HIPK2: variants seen among roughly 807,000 people sequenced by gnomAD.
The protein encoded by HIPK2 is homeodomain interacting protein kinase 2.
HIPK2 carries 27 observed loss-of-function variants against 113.7 expected under a neutral mutation model. The ratio of observed to expected loss-of-function variants is 0.24; its 90% CI spans 0.17 to 0.33. The LOEUF (loss-of-function observed/expected upper bound fraction) is 0.33. HIPK2 is among the 10% of genes least tolerant of loss of function. The pLI, the probability that HIPK2 is intolerant of heterozygous loss-of-function variation, is 1.00. For missense variants in HIPK2, 1,257 were observed against 1,588.0 expected (o/e 0.79, Z 3.54); for synonymous variants, 631 against 642.2 (o/e 0.98, Z 0.26).
chr7:139,660,121 G>C (rs1285265925), intron 2 of HIPK2, among the ~76,000 whole-genome samples: 2 of 152,226 alleles, frequency 1.3e-5, no homozygotes, highest in Non-Finnish European at 2.9e-5. Context: ...CCCATAGTTT[G>C]AGAAGCTCAT....
intron 2 of HIPK2, among the ~76,000 whole-genome samples, chr7:139,681,307 G>A (rs1006131637): frequency 6.6e-6 from 1 of 152,142 alleles, no homozygotes; most frequent in Non-Finnish European, 1.5e-5. Flanking sequence ...GTCAGAGCTG[G>A]TGGCAGGAGA....
rs1401341457 is a variant in HIPK2 at position 139,571,542 on chromosome 7, C to T, written c.*1385G>A. The T allele has an allele frequency of 1.3e-5, 2 of 152,242 alleles. No homozygotes were observed. The highest frequency in any genetic ancestry group is 4.8e-5 in the African/African-American group (2 of 41,458). 9.4% of individuals were successfully genotyped at this position (152,242 alleles called of 1,614,324 possible). Reference sequence around the variant, plus strand: ...AGACGCACCCGCCGGGCATCTGTCTCCCATATTTCTTTCGAGATCCACGGA... The same window carrying T: ...AGACGCACCCGCCGGGCATCTGTCTTCCATATTTCTTTCGAGATCCACGGA... On this transcript the variant is annotated 3_prime_UTR_variant, in exon 15 of 15. Coordinates refer to ENST00000406875, the MANE Select transcript of HIPK2 (RefSeq NM_022740.5).
chr7:139,765,428 C>T (rs1796537335), intron 1 of HIPK2, among the ~76,000 whole-genome samples: 1 of 152,152 alleles, frequency 6.6e-6, no homozygotes, highest in Non-Finnish European at 1.5e-5. Context: ...AATAAATATC[C>T]ACTTCCATTT....
intron 2 of HIPK2, among the ~76,000 whole-genome samples, chr7:139,686,658 A>C (rs574188127): frequency 2.6e-5 from 4 of 152,184 alleles, no homozygotes; most frequent in Middle Eastern, 3.2e-3. Context: ...CATGATTGTA[A>C]GTTTTCTAAG....
intron 7 of HIPK2, among the ~76,000 whole-genome samples, chr7:139,616,614 A>G (rs973472639): frequency 6.6e-6 from 1 of 152,236 alleles, no homozygotes; most frequent in Non-Finnish European, 1.5e-5. Flanking sequence ...TGGGTCCCAC[A>G]TGCCCCATTG....
In HIPK2 at chr7:139,572,894, T is replaced by TGCCGGC; in HGVS notation, c.*32_*33insGCCGGC. ...CTCCCTCCTCCCTCGGGCCATTCTC[T>TGCCGGC]CCCTCCCTCCCTCCCTCCCTCCCCT... On this transcript the variant is annotated 3_prime_UTR_variant, in exon 15 of 15. Coordinates refer to ENST00000406875, the MANE Select transcript of HIPK2 (RefSeq NM_022740.5). 1 of 554,278 alleles carries TGCCGGC rather than the reference T, an allele frequency of 1.8e-6. No individual in the cohort carries two copies. Among genetic ancestry groups the TGCCGGC allele is most frequent in the Non-Finnish European group, 3.3e-6 (1 of 302,510 alleles). 34.3% of individuals were successfully genotyped at this position (554,278 alleles called of 1,614,324 possible). A position where few individuals can be genotyped will look rare whatever the true frequency, so the allele number is the denominator to read the frequency against.
At chr7:139,730,066 C>T (rs1019777983) in intron 1 of HIPK2, among the ~76,000 whole-genome samples, 3 of 152,190 alleles carry the variant, frequency 2.0e-5, no homozygotes, top group African/African-American at 7.2e-5. Context: ...CTTTTCCTAT[C>T]CTTTAGAAAT....
chr7:139,758,945 T>C (rs1203584735), intron 1 of HIPK2, among the ~76,000 whole-genome samples: 1 of 151,338 alleles, frequency 6.6e-6, no homozygotes, highest in Non-Finnish European at 1.5e-5. Context: ...ACAGAAGCCA[T>C]AAAAAAAATA....
intron 11 of HIPK2, among the ~76,000 whole-genome samples, chr7:139,598,195 A>G (rs1163508948): frequency 6.6e-6 from 1 of 152,250 alleles, no homozygotes; most frequent in African/African-American, 2.4e-5. Flanking sequence ...CTCAACCTGT[A>G]GTATCTATGC....
rs1055059876 is a variant in HIPK2, at chr7:139,562,131, TAAA to T, written c.*10793_*10795del. ...AAAAACAAAAGTAGACATTTATAAA[TAAA>T]AAAGAGGGACAATTCACATAGGAAA... On this transcript the variant is annotated 3_prime_UTR_variant, in exon 15 of 15. Coordinates refer to ENST00000406875, the MANE Select transcript of HIPK2 (RefSeq NM_022740.5). 3 of 152,130 alleles carry T rather than the reference TAAA, an allele frequency of 2.0e-5. No homozygotes were observed. Among genetic ancestry groups the T allele is most frequent in the Non-Finnish European group, 4.4e-5 (3 of 68,016 alleles). 9.4% of individuals were successfully genotyped at this position (152,130 alleles called of 1,614,324 possible). A position where few individuals can be genotyped will look rare whatever the true frequency, so the allele number is the denominator to read the frequency against.
At chr7:139,747,982 T>C (rs1427142093) in intron 1 of HIPK2, among the ~76,000 whole-genome samples, 2 of 152,190 alleles carry the variant, frequency 1.3e-5, no homozygotes, top group Non-Finnish European at 2.9e-5. Context: ...GAAAGCTCTA[T>C]CAGGCAGAGC....
Position 139,572,689 on chromosome 7 carries a change from T to C in HIPK2, c.*238A>G. The C allele has an allele frequency of 2.4e-6, 1 of 414,852 alleles. No individual in the cohort carries two copies. Among genetic ancestry groups the C allele is most frequent in the Non-Finnish European group, 4.2e-6 (1 of 235,490 alleles). 25.7% of individuals were successfully genotyped at this position (414,852 alleles called of 1,614,324 possible). On this transcript the variant is annotated 3_prime_UTR_variant, in exon 15 of 15. Transcript: ENST00000406875. ...TTTAATCCCTTCCTTTTAAAAATGT[T>C]CTCTTCTCTGCTCTACGTCCTCCCA...
intron 1 of HIPK2, among the ~76,000 whole-genome samples, chr7:139,741,632 A>G (rs1290106437): frequency 6.6e-6 from 1 of 151,690 alleles, no homozygotes; most frequent in Admixed American, 6.6e-5. Context: ...TAATCTCCAC[A>G]CTCTAGCCTG....
At chr7:139,656,280 C>G (rs1443639756) in intron 2 of HIPK2, among the ~76,000 whole-genome samples, 1 of 152,176 alleles carries the variant, frequency 6.6e-6, no homozygotes, top group Non-Finnish European at 1.5e-5. Flanking sequence ...GTGAAGTCAT[C>G]ATGTCCCTCC....
At chr7:139,643,247 C>T (rs534688199) in intron 2 of HIPK2, among the ~76,000 whole-genome samples, 1 of 152,166 alleles carries the variant, frequency 6.6e-6, no homozygotes, top group Non-Finnish European at 1.5e-5. Flanking sequence ...TCTCATGGCA[C>T]ACTTGGACAG....
intron 9 of HIPK2, among the ~76,000 whole-genome samples, chr7:139,606,048 A>AT (rs1235188173): frequency 2.0e-5 from 3 of 152,168 alleles, no homozygotes; most frequent in Non-Finnish European, 4.4e-5. Flanking sequence ...TTTTTCTTCT[A>AT]TTTCCCTGAA....
chr7:139,668,051 AG>A (rs1398341505), intron 2 of HIPK2, among the ~76,000 whole-genome samples: 1 of 150,580 alleles, frequency 6.6e-6, no homozygotes, highest in Non-Finnish European at 1.5e-5. Flanking sequence ...GCTTGAACCC[AG>A]GAGGTGGAGG....
At chr7:139,601,589 G>A (rs1307266765) in intron 10 of HIPK2, among the ~76,000 whole-genome samples, 4 of 152,138 alleles carry the variant, frequency 2.6e-5, no homozygotes, top group African/African-American at 9.7e-5. Flanking sequence ...TATAAAGTTG[G>A]TATTAAATCA....
intron 1 of HIPK2, among the ~76,000 whole-genome samples, chr7:139,744,217 G>A (rs117454535): frequency 1.4e-3 from 211 of 152,266 alleles, no homozygotes; most frequent in Non-Finnish European, 2.5e-3. Flanking sequence ...TATTCCTACC[G>A]TGAAACACTA....
Sources: allele counts gnomAD v4.1 joint callset (sites outside exome capture counted in the v4.1 genomes callset), GRCh38; gene constraint gnomAD v4.1.1; transcripts MANE v1.5; gene names NCBI Gene and HGNC (gene_info 2026-07-23, HGNC 2026-07-21).